Variants in EDN1 observed in about 807,000 individuals in gnomAD.
EDN1 encodes endothelin-1.
Under a neutral mutation model 21.7 loss-of-function variants are expected in EDN1, and 11 were observed. The observed-to-expected ratio is 0.51, with a 90% CI of 0.32 to 0.84. The LOEUF (loss-of-function observed/expected upper bound fraction) is 0.84. Among genes scored for constraint, EDN1 ranks in the 40% least tolerant of loss-of-function variants. The pLI is 0.03. For synonymous variants in EDN1, 85 were observed against 90.6 expected, an observed-to-expected ratio of 0.94 and a Z score of 0.35; for missense variants, 244 against 262.3, an observed-to-expected ratio of 0.93 and a Z score of 0.48.
chr6:12,247,881 C>G, the EDN1 span, among the ~76,000 whole-genome samples: 1 of 152,048 alleles, frequency 6.6e-6, no homozygotes, highest in Non-Finnish European at 1.5e-5. Flanking sequence ...TAGACTGAGA[C>G]AGATCCCCCT....
At chr6:12,253,540 A>T in the EDN1 span, among the ~76,000 whole-genome samples, 3,184 of 152,292 alleles carry the variant, frequency 0.021, 121 homozygotes, top group African/African-American at 0.073. Context: ...AGGGATAAAT[A>T]TTTTAGCTTA....
the EDN1 span, among the ~76,000 whole-genome samples, chr6:12,236,814 A>G: frequency 6.6e-6 from 1 of 151,212 alleles, no homozygotes; most frequent in Non-Finnish European, 1.5e-5. Flanking sequence ...ACTTCTATCA[A>G]GTATATTTCT....
chr6:12,248,316 C>G, the EDN1 span, among the ~76,000 whole-genome samples: 1 of 152,154 alleles, frequency 6.6e-6, no homozygotes, highest in Admixed American at 6.5e-5. Flanking sequence ...TCTGAAACTT[C>G]TAGCTTCTAG....
At chr6:12,242,340 G>C in the EDN1 span, among the ~76,000 whole-genome samples, 1 of 151,666 alleles carries the variant, frequency 6.6e-6, no homozygotes, top group African/African-American at 2.4e-5. Flanking sequence ...CTACCACCCA[G>C]TAATTGTGTG....
At chr6:12,262,120 AT>A in the EDN1 span, among the ~76,000 whole-genome samples, 1 of 152,220 alleles carries the variant, frequency 6.6e-6, no homozygotes, top group Non-Finnish European at 1.5e-5. Flanking sequence ...GCCTATCAGC[AT>A]TTTTGAGGTT....
chr6:12,250,502 C>A, the EDN1 span, among the ~76,000 whole-genome samples: 3 of 152,072 alleles, frequency 2.0e-5, no homozygotes, highest in Non-Finnish European at 2.9e-5. Context: ...TAGAAATTTT[C>A]AGGATTGCTA....
the EDN1 span, among the ~76,000 whole-genome samples, chr6:12,242,248 C>T: frequency 6.6e-6 from 1 of 152,128 alleles, no homozygotes; most frequent in South Asian, 2.1e-4. Context: ...TCTCTCTAGG[C>T]TAATTTCTAA....
At chr6:12,253,968 T>C in the EDN1 span, among the ~76,000 whole-genome samples, 1 of 152,120 alleles carries the variant, frequency 6.6e-6, no homozygotes, top group African/African-American at 2.4e-5. Flanking sequence ...AACACCATCA[T>C]CTCTTACCTG....
chr6:12,235,181 G>C, the EDN1 span, among the ~76,000 whole-genome samples: 3 of 152,142 alleles, frequency 2.0e-5, no homozygotes, highest in Non-Finnish European at 4.4e-5. Flanking sequence ...TCGTAGAATA[G>C]GGGTTGGACT....
chr6:12,243,322 GGA>G, the EDN1 span, among the ~76,000 whole-genome samples: 3 of 150,786 alleles, frequency 2.0e-5, no homozygotes, highest in Non-Finnish European at 4.5e-5. Context: ...AGGAGGAGGA[GGA>G]GAGGAGGAGG....
Position 12,294,269 on chromosome 6 carries a change from A to T in EDN1, c.398A>T (p.Asp133Val), listed in dbSNP as rs1365426094. 6.2e-7 allele frequency: 1 copy of T among 1,614,216 alleles called. No individual in the cohort carries two copies. Among genetic ancestry groups the T allele is most frequent in the Non-Finnish European group, 8.5e-7 (1 of 1,180,034 alleles). Residue 133 changes from aspartate to valine, a missense_variant, in exon 4 of 5, where the codon GAC becomes GTC. Asp to Val is a radical substitution (Grantham distance 152, BLOSUM62 -3). Coordinates refer to ENST00000379375, the MANE Select transcript of EDN1 (RefSeq NM_001955.5). Reference sequence around the variant, plus strand: ...CTTGTGTATTTTAACAGGGCTGAAGACATTATGGAGAAAGACTGGAATAAT... The same window carrying T: ...CTTGTGTATTTTAACAGGGCTGAAGTCATTATGGAGAAAGACTGGAATAAT... The part of the protein sequence containing the change: ...CQAGKELRAE[D>V]IMEKDWNNHK...
At chr6:12,242,240 T>G in the EDN1 span, among the ~76,000 whole-genome samples, 3 of 152,156 alleles carry the variant, frequency 2.0e-5, no homozygotes, top group Non-Finnish European at 4.4e-5. Context: ...CAACCAGTTC[T>G]CTCTAGGCTA....
chr6:12,281,825 A>G, the EDN1 span, among the ~76,000 whole-genome samples: 2 of 152,342 alleles, frequency 1.3e-5, no homozygotes, highest in South Asian at 4.1e-4. Flanking sequence ...CCTAGAAGGG[A>G]TCGAAGCCCT....
chr6:12,254,883 A>G, the EDN1 span, among the ~76,000 whole-genome samples: 2 of 152,176 alleles, frequency 1.3e-5, no homozygotes, highest in East Asian at 3.8e-4. Context: ...AAAATGGCAA[A>G]TTTCCTATCT....
the EDN1 span, among the ~76,000 whole-genome samples, chr6:12,283,144 T>A: frequency 6.6e-6 from 1 of 152,216 alleles, no homozygotes; most frequent in Non-Finnish European, 1.5e-5. Context: ...TAAATTTGCA[T>A]TTTCAAATAA....
intron 1 of EDN1, among the ~76,000 whole-genome samples, chr6:12,291,026 A>G (rs571688522): frequency 1.3e-5 from 2 of 152,372 alleles, no homozygotes; most frequent in South Asian, 2.1e-4. Flanking sequence ...TGTTTGTAAT[A>G]TATGTGTTTA....
At chr6:12,273,088 C>G in the EDN1 span, among the ~76,000 whole-genome samples, 1 of 152,160 alleles carries the variant, frequency 6.6e-6, no homozygotes, top group Admixed American at 6.5e-5. Flanking sequence ...CTTGCAGGTG[C>G]TAAGGTGGGA....
the EDN1 span, among the ~76,000 whole-genome samples, chr6:12,249,588 C>T: frequency 6.6e-6 from 1 of 150,860 alleles, no homozygotes; most frequent in Admixed American, 6.6e-5. Context: ...GTGATCTGAG[C>T]CCAGCAACAC....
the EDN1 span, among the ~76,000 whole-genome samples, chr6:12,276,584 C>T: frequency 6.6e-6 from 1 of 152,066 alleles, no homozygotes; most frequent in African/African-American, 2.4e-5. Flanking sequence ...GGAGAGGCAC[C>T]CTTATTTTGT....
Sources: allele counts gnomAD v4.1 joint callset (sites outside exome capture counted in the v4.1 genomes callset), GRCh38; gene constraint gnomAD v4.1.1; transcripts MANE v1.5; gene names NCBI Gene and HGNC (gene_info 2026-07-23, HGNC 2026-07-21).